The following STK3 variants were observed in gnomAD, a reference collection of about 807,000 sequenced individuals.
STK3 encodes the protein serine/threonine-protein kinase 3.
STK3 carries 41 observed loss-of-function variants against 58.0 expected under a neutral mutation model. That is an observed-to-expected ratio of 0.71 (90% CI 0.55 to 0.92). The LOEUF is 0.92. STK3 is among the 40% of genes least tolerant of loss of function. The pLI is 0.00. For synonymous variants in STK3, 170 were observed against 191.0 expected, an observed-to-expected ratio of 0.89 and a Z score of 0.91; for missense variants, 479 against 602.7, an observed-to-expected ratio of 0.79 and a Z score of 2.15.
At chr8:98,871,652 T>C (rs553901035) in intron 3 of STK3, among the ~76,000 whole-genome samples, 1 of 152,312 alleles carries the variant, frequency 6.6e-6, no homozygotes, top group Admixed American at 6.5e-5. Flanking sequence ...TTGTCTGTTA[T>C]TGGTGTATAG....
chr8:98,864,245 A>T (rs994599545), intron 3 of STK3, among the ~76,000 whole-genome samples: 1 of 141,690 alleles, frequency 7.1e-6, no homozygotes, highest in Non-Finnish European at 1.5e-5. Context: ...GCTGGATTTT[A>T]TTCCATTTTG....
chr8:98,450,119 G>A (rs367669915), downstream of STK3, among the ~76,000 whole-genome samples: 1 of 152,088 alleles, frequency 6.6e-6, no homozygotes. Flanking sequence ...TCTTTCCTCC[G>A]TGTATAGAGA....
chr8:98,634,135 G>A (rs1323142261), intron 6 of STK3, among the ~76,000 whole-genome samples: 3 of 152,158 alleles, frequency 2.0e-5, no homozygotes, highest in African/African-American at 7.2e-5. Context: ...AATCAGCACA[G>A]TGGCAGTGGA....
chr8:98,639,643 CT>C (rs987400916), intron 6 of STK3, among the ~76,000 whole-genome samples: 3 of 152,086 alleles, frequency 2.0e-5, no homozygotes, highest in African/African-American at 7.2e-5. Context: ...TCTTTATTTG[CT>C]TTTCAAAACC....
At chr8:98,587,807 T>G (rs534265865) in intron 7 of STK3, among the ~76,000 whole-genome samples, 114 of 151,926 alleles carry the variant, frequency 7.5e-4, no homozygotes, top group Middle Eastern at 3.4e-3. Context: ...ATATATTTAG[T>G]ATAGTTAGCT....
At chr8:98,923,549 C>A (rs1201702379) in intron 1 of STK3, among the ~76,000 whole-genome samples, 1 of 152,120 alleles carries the variant, frequency 6.6e-6, no homozygotes, top group Non-Finnish European at 1.5e-5. Flanking sequence ...AACCTAAACC[C>A]TAGCACTACT....
intron 9 of STK3, among the ~76,000 whole-genome samples, chr8:98,527,778 C>T (rs1193793192): frequency 1.3e-5 from 2 of 152,192 alleles, no homozygotes; most frequent in Non-Finnish European, 2.9e-5. Context: ...GCCACACTTA[C>T]ATCCATGTCT....
intron 1 of STK3, among the ~76,000 whole-genome samples, chr8:98,816,513 A>AAAAC (rs770278054): frequency 6.3e-4 from 96 of 152,150 alleles, no homozygotes; most frequent in African/African-American, 1.5e-3. Context: ...CCTGTCTCAA[A>AAAAC]AAACAAACAA....
intron 1 of STK3, among the ~76,000 whole-genome samples, chr8:98,821,629 T>G (rs1645075311): frequency 6.9e-6 from 1 of 145,828 alleles, no homozygotes; most frequent in African/African-American, 2.6e-5. Context: ...GCCACTGCAC[T>G]CCAGCCAGGG....
At chr8:98,463,569 T>C (rs1440812141) in intron 10 of STK3, among the ~76,000 whole-genome samples, 4 of 152,112 alleles carry the variant, frequency 2.6e-5, no homozygotes, top group Non-Finnish European at 5.9e-5. Context: ...CTACAAGAAG[T>C]ATTGAAAGTC....
chr8:98,630,463 G>A (rs1178756485), intron 6 of STK3, among the ~76,000 whole-genome samples: 1 of 152,040 alleles, frequency 6.6e-6, no homozygotes, highest in African/African-American at 2.4e-5. Flanking sequence ...GCAACACAAT[G>A]AGACCCCATC....
intron 10 of STK3, among the ~76,000 whole-genome samples, chr8:98,495,776 T>A (rs1315144700): frequency 6.6e-6 from 1 of 152,228 alleles, no homozygotes; most frequent in Non-Finnish European, 1.5e-5. Flanking sequence ...GTATATACTT[T>A]TGTCTCACTA....
At chr8:98,706,792 G>C (rs1268613808) in intron 5 of STK3, among the ~76,000 whole-genome samples, 158 bp from the exon 6 acceptor site, 1 of 152,066 alleles carries the variant, frequency 6.6e-6, no homozygotes, top group Admixed American at 6.5e-5. Context: ...GACATACTTA[G>C]GAATTCCGAA....
At chr8:98,421,864 G>A (rs1818178197) in intron 3 of STK3, among the ~76,000 whole-genome samples, 1 of 152,202 alleles carries the variant, frequency 6.6e-6, no homozygotes, top group South Asian at 2.1e-4. Context: ...CAAGGGAGCA[G>A]TGCCTAGTGG....
chr8:98,498,727 T>C (rs1823348550), intron 10 of STK3, among the ~76,000 whole-genome samples: 1 of 152,204 alleles, frequency 6.6e-6, no homozygotes, highest in Non-Finnish European at 1.5e-5. Flanking sequence ...CACTTTCTTC[T>C]CTTGGCTTCC....
intron 3 of STK3, chr8:98,875,204 A>G (rs900686642): frequency 4.6e-5 from 7 of 152,210 alleles, no homozygotes; most frequent in African/African-American, 1.7e-4. Flanking sequence ...TTTCCCATCA[A>G]TAGACCCAGA....
chr8:98,841,563 T>C (rs1266236550), intron 3 of STK3, among the ~76,000 whole-genome samples: 2 of 151,610 alleles, frequency 1.3e-5, no homozygotes, highest in Non-Finnish European at 2.9e-5. Flanking sequence ...TGGTGGCTCA[T>C]GCCTGTAACC....
intron 6 of STK3, among the ~76,000 whole-genome samples, chr8:98,701,443 C>T (rs904420507): frequency 6.6e-6 from 1 of 151,914 alleles, no homozygotes; most frequent in African/African-American, 2.4e-5. Flanking sequence ...CATGGTGAAA[C>T]CCCGTCACTA....
chr8:98,453,080 GTTTTTTT>G (rs919288019), downstream of STK3, among the ~76,000 whole-genome samples: 3 of 39,680 alleles, frequency 7.6e-5, no homozygotes, highest in African/African-American at 1.1e-4. Flanking sequence ...TTTCTTTCTT[GTTTTTTT>G]TTTTTTTTTT....
Sources: gnomAD v4.1 joint callset for allele counts (sites outside exome capture counted in the v4.1 genomes callset) on GRCh38, gnomAD v4.1.1 for gene constraint, MANE v1.5 for transcripts, NCBI Gene and HGNC (gene_info 2026-07-23, HGNC 2026-07-21) for gene names.